ACP7: variants seen among roughly 807,000 people sequenced by gnomAD.
The protein encoded by ACP7 is acid phosphatase 7, tartrate resistant (putative), also known as acid phosphatase type 7.
ACP7 carries 58 observed loss-of-function variants against 60.6 expected under a neutral mutation model. The observed-to-expected ratio is 0.96, with a 90% CI of 0.77 to 1.19. ACP7 has a LOEUF of 1.19. Among genes scored for constraint, ACP7 ranks in the 50% most tolerant of loss-of-function variants. ACP7 has a pLI of 0.00. For missense variants in ACP7, 574 were observed against 596.2 expected (o/e 0.96, Z 0.39); for synonymous variants, 237 against 232.6 (o/e 1.02, Z -0.17).
chr19:39,085,951 C>G (rs2073136456), intron 2 of ACP7, among the ~76,000 whole-genome samples: 2 of 152,142 alleles, frequency 1.3e-5, no homozygotes, highest in Non-Finnish European at 2.9e-5. Flanking sequence ...CCTCTCTGTC[C>G]TCAGTCTCCT....
intron 2 of ACP7, among the ~76,000 whole-genome samples, chr19:39,093,026 C>T (rs2073221591): frequency 1.3e-5 from 2 of 151,984 alleles, no homozygotes; most frequent in Non-Finnish European, 2.9e-5. Context: ...GATCCACCTG[C>T]CTTGGCCTCC....
chr19:39,106,438 T>A (rs2145040375), intron 11 of ACP7, among the ~76,000 whole-genome samples: 1 of 152,356 alleles, frequency 6.6e-6, no homozygotes, highest in African/African-American at 2.4e-5. Context: ...CACAGCCGTG[T>A]ACTTTTCTAG....
rs558402058 is a variant in ACP7 at position 39,091,625 on chromosome 19, A to G, written c.121+6235A>G. Reference sequence around the variant, plus strand: ...TTCACACATCTATGTTTGAATCTGTATAAAAATTAATTACCTGGTTGGCCA... The same window carrying G: ...TTCACACATCTATGTTTGAATCTGTGTAAAAATTAATTACCTGGTTGGCCA... On this transcript the variant is annotated intron_variant, in intron 2 of 12. Transcript: ENST00000331256. 5.9e-5 allele frequency among the ~76,000 whole-genome samples: 9 copies of G among 152,302 alleles called. No individual in the cohort carries two copies. In the South Asian group the frequency reaches 1.7e-3, roughly 28 times the overall value.
In ACP7 at chr19:39,084,567, G is replaced by T. The variant is rs113793451; in HGVS notation, c.-179+167G>T. 1.2e-3 allele frequency among the ~76,000 whole-genome samples: 187 copies of T among 151,818 alleles called. 1 individual carries two copies. Among genetic ancestry groups the T allele is most frequent in the Non-Finnish European group, 2.2e-3 (147 of 67,922 alleles). On this transcript the variant is annotated intron_variant, in intron 1 of 12. Coordinates refer to ENST00000331256, the MANE Select transcript of ACP7 (RefSeq NM_001004318.3). ...GCTGGGGATGGGGAGAGAGGATGCG[G>T]CCGCTCTGGCCATGATGGGCTCTAA...
At chr19:39,098,183 G>A (rs893105773) in intron 2 of ACP7, among the ~76,000 whole-genome samples, 6 of 149,932 alleles carry the variant, frequency 4.0e-5, no homozygotes, top group Non-Finnish European at 7.4e-5. Context: ...CCTGCGAGGC[G>A]GCAGAGATTG....
At chr19:39,101,124 C>T (rs372034895) in intron 8 of ACP7, 26 bp from the exon 9 acceptor site, 18 of 1,613,866 alleles carry the variant, frequency 1.1e-5, no homozygotes, top group Middle Eastern at 1.6e-4. Context: ...CTGCGTCACC[C>T]TCACCCGCTC....
At chr19:39,093,084 T>A (rs549603874) in intron 2 of ACP7, among the ~76,000 whole-genome samples, 1 of 88,534 alleles carries the variant, frequency 1.1e-5, no homozygotes, top group Non-Finnish European at 2.4e-5. Context: ...GGCCCCCGTT[T>A]CTTTCTTTTC....
intron 11 of ACP7, among the ~76,000 whole-genome samples, chr19:39,101,942 C>CA (rs35540772): frequency 0.38 from 47,140 of 122,748 alleles, 8,465 homozygotes; most frequent in Middle Eastern, 0.46. Flanking sequence ...CTTGTCTATA[C>CA]AAAAAAAAAA....
intron 2 of ACP7, among the ~76,000 whole-genome samples, chr19:39,098,095 G>A (rs1207950790): frequency 6.6e-6 from 1 of 151,286 alleles, no homozygotes; most frequent in African/African-American, 2.4e-5. Context: ...TACTAAAAAT[G>A]CAAAAATTAG....
chr19:39,087,725 C>A (rs1301057948), intron 2 of ACP7, among the ~76,000 whole-genome samples: 1 of 151,686 alleles, frequency 6.6e-6, no homozygotes, highest in Non-Finnish European at 1.5e-5. Context: ...GCTCCACCTC[C>A]TGGTTTCAAG....
intron 2 of ACP7, among the ~76,000 whole-genome samples, chr19:39,090,151 T>C (rs2073187397): frequency 6.6e-6 from 1 of 152,134 alleles, no homozygotes; most frequent in Non-Finnish European, 1.5e-5. Context: ...TTTTTTTTCT[T>C]TTTAAATTTT....
At chr19:39,096,793 TTTTC>T (rs1050899753) in intron 2 of ACP7, among the ~76,000 whole-genome samples, 4 of 152,222 alleles carry the variant, frequency 2.6e-5, no homozygotes, top group South Asian at 2.1e-4. Context: ...GCCATTTCTT[TTTTC>T]TTTCTTTCTT....
intron 11 of ACP7, among the ~76,000 whole-genome samples, chr19:39,106,123 C>A (rs1004233359): frequency 1.3e-5 from 2 of 152,204 alleles, no homozygotes; most frequent in African/African-American, 4.8e-5. Flanking sequence ...CTCACCCTGG[C>A]ATCCTCTCTG....
At position 39,107,018 on chromosome 19, in the gene ACP7, C is replaced by T. The variant is rs752955214; in HGVS notation, c.1185C>T (p.Tyr395=). ...GGAGTGCCGTGCGTGTGAAGGAGTA[C>T]GGGTATACGCGGCTGCACATCCTCA... is the stretch of plus-strand genomic sequence containing the variant. ...RPWSAVRVKE[Y]GYTRLHILNG... The change falls in exon 12 of 13, where the codon TAC becomes TAT. Residue 395 remains tyrosine, a synonymous_variant. Transcript: ENST00000331256. 3.0e-5 allele frequency: 48 copies of T among 1,614,062 alleles called. 1 individual carries two copies. In the Middle Eastern group the frequency reaches 1.5e-3, roughly 50 times the overall value.
chr19:39,102,862 A>T (rs1171059557), intron 11 of ACP7, among the ~76,000 whole-genome samples: 1 of 134,196 alleles, frequency 7.5e-6, no homozygotes, highest in Non-Finnish European at 1.6e-5. Flanking sequence ...TTTGAGACGG[A>T]GTTTCACTCT....
intron 11 of ACP7, among the ~76,000 whole-genome samples, chr19:39,103,442 T>TG (rs202088802): frequency 0.011 from 161 of 15,292 alleles, 4 homozygotes; most frequent in Admixed American, 0.049. Flanking sequence ...TCATCATGTG[T>TG]TTTTTTTTTT....
At position 39,085,195 on chromosome 19, in the gene ACP7, C is replaced by T. The variant is rs576147723; in HGVS notation, c.-75C>T. On this transcript the variant is annotated 5_prime_UTR_variant, in exon 2 of 13. Coordinates refer to ENST00000331256, the MANE Select transcript of ACP7 (RefSeq NM_001004318.3). ...TCTGTTCCCCATCCTCCCAGCCCTT[C>T]CTGCTGTACCTGTGGGGAGCTGATC... 1.5e-4 allele frequency: 224 copies of T among 1,519,942 alleles called. No individual in the cohort carries two copies. The Middle Eastern group carries it at 2.4e-3, about 17-fold the overall frequency. The allele number at this position is 1,519,942 out of a possible 1,614,324, so 94.2% of individuals were successfully genotyped here.
At position 39,098,995 on chromosome 19, in the gene ACP7, C is replaced by A; in HGVS notation, c.358C>A (p.Arg120=). 1.2e-6 allele frequency: 2 copies of A among 1,613,538 alleles called. No homozygotes were observed. The highest frequency in any genetic ancestry group is 3.3e-5 in the Admixed American group (2 of 60,008). Residue 120 remains arginine (R), a synonymous_variant, in exon 4 of 13, where the codon CGG becomes AGG. Coordinates refer to ENST00000331256, the MANE Select transcript of ACP7 (RefSeq NM_001004318.3). ...RCGSAQGWSR[R]FRFRALKNGA... ...TGGCAGTGCGCAGGGCTGGAGCCGTCGGTTCCGCTTCAGGGCCCTCAAGAA... is the reference window on the plus strand; with the variant it reads ...TGGCAGTGCGCAGGGCTGGAGCCGTAGGTTCCGCTTCAGGGCCCTCAAGAA...
At chr19:39,094,651 C>T (rs747345191) in intron 2 of ACP7, among the ~76,000 whole-genome samples, 3 of 151,358 alleles carry the variant, frequency 2.0e-5, no homozygotes, top group African/African-American at 4.9e-5. Context: ...GGCAAGATCC[C>T]ATCTCTATGA....
Sources: gnomAD v4.1 joint callset for allele counts (sites outside exome capture counted in the v4.1 genomes callset) on GRCh38, gnomAD v4.1.1 for gene constraint, MANE v1.5 for transcripts, NCBI Gene and HGNC (gene_info 2026-07-23, HGNC 2026-07-21) for gene names.